The following INAVA variants were observed in gnomAD, a reference collection of about 807,000 sequenced individuals.
INAVA encodes the protein innate immunity activator, also known as innate immunity activator protein.
In INAVA, 32 loss-of-function variants were observed where a neutral mutation model predicts 55.3. The ratio of observed to expected loss-of-function variants is 0.58; its 90% confidence interval spans 0.44 to 0.78. INAVA has a LOEUF of 0.78. Ranked by LOEUF, INAVA falls within the 30% of genes least tolerant of loss-of-function variation. The pLI is 0.00. For missense variants in INAVA, 756 were observed against 786.4 expected (o/e 0.96, Z 0.46); for synonymous variants, 294 against 329.4 (o/e 0.89, Z 1.16).
intron 5 of INAVA, among the ~76,000 whole-genome samples, chr1:200,905,008 G>A (rs1228069336): frequency 1.3e-5 from 2 of 152,186 alleles, no homozygotes; most frequent in Admixed American, 1.3e-4. Flanking sequence ...AGCCTCTGGA[G>A]TAACTAAGAT....
At chr1:200,895,136 G>C in intron 1 of INAVA, 49 bp downstream of exon 1, 1 of 986,238 alleles carries the variant, frequency 1.0e-6, no homozygotes, top group Non-Finnish European at 1.2e-6. Flanking sequence ...GAGCAGGCTG[G>C]CCTGGGAGTG....
At chr1:200,909,558 C>T (rs1308456631) in intron 8 of INAVA, among the ~76,000 whole-genome samples, 161 bp downstream of exon 8, 2 of 152,224 alleles carry the variant, frequency 1.3e-5, no homozygotes, top group Non-Finnish European at 2.9e-5. Flanking sequence ...ACAGAGAATG[C>T]ACTGCACCCC....
chr1:200,899,590 G>A lies in INAVA; in HGVS notation c.173G>A (p.Arg58Gln), dbSNP rs899542235. ...CLEELRRLCL[R>Q]EAELTGTLPA... ...GAGGAGCTGAGGAGACTCTGCCTTCGGGAAGCGGTGAGGCCCCAGCCAGCA... is the reference window on the plus strand; with the variant it reads ...GAGGAGCTGAGGAGACTCTGCCTTCAGGAAGCGGTGAGGCCCCAGCCAGCA... Residue 58 changes from arginine to glutamine, a missense_variant, in exon 3 of 10, where the codon CGG becomes CAG. Arg to Gln is a conservative substitution (Grantham distance 43). Coordinates refer to ENST00000413687, the MANE Select transcript of INAVA (RefSeq NM_001142569.3). 13 of 1,611,970 alleles carry A rather than the reference G, an allele frequency of 8.1e-6. No individual in the cohort carries two copies. The highest frequency in any genetic ancestry group is 4.5e-5 in the East Asian group (2 of 44,832).
In INAVA at chr1:200,900,042, G is replaced by A. The variant is rs967066106; in HGVS notation, c.181-62G>A. 29 of 1,401,960 alleles carry A rather than the reference G, an allele frequency of 2.1e-5. No homozygotes were observed. In the African/African-American group the frequency reaches 3.6e-4, roughly 17 times the overall value. The allele number at this position is 1,401,960 out of a possible 1,614,324, so 86.8% of individuals were successfully genotyped here. ...TGGAAGGCAGGCACATGCAGTGCAG[G>A]GGCCAGTGAGCCAAGTCTGGGCAGG... On this transcript the variant is annotated intron_variant, in intron 3 of 9. Coordinates refer to ENST00000413687, the MANE Select transcript of INAVA (RefSeq NM_001142569.3).
rs139372370 is a variant in INAVA at position 200,902,933 on chromosome 1, C to T, written c.520+1774C>T. 277 of 152,422 alleles carry T rather than the reference C, an allele frequency of 1.8e-3. 2 individuals carry two copies. The highest frequency in any genetic ancestry group is 6.3e-3 in the African/African-American group (263 of 41,568). 9.4% of individuals were successfully genotyped at this position (152,422 alleles called of 1,614,324 possible). On this transcript the variant is annotated intron_variant, in intron 5 of 9. Transcript: ENST00000413687. ...CTGTGGAAGGCAGGAGGATGAGGTT[C>T]TGAAACCTTGGAGCCCTCAGTACAG...
Position 200,908,867 on chromosome 1 carries a change from C to T in INAVA, c.712C>T (p.Pro238Ser). 5 of 1,614,026 alleles carry T rather than the reference C, an allele frequency of 3.1e-6. No homozygotes were observed. The highest frequency in any genetic ancestry group is 3.4e-6 in the Non-Finnish European group (4 of 1,179,978). ...SPERAPVQNSPWKETSLDHPY... is the reference protein window; with the variant it reads ...SPERAPVQNSSWKETSLDHPY... ...AGAACGGGCTCCAGTCCAGAACAGCCCCTGGAAGGAAACCAGCCTGGACCA... is the reference window on the plus strand; with the variant it reads ...AGAACGGGCTCCAGTCCAGAACAGCTCCTGGAAGGAAACCAGCCTGGACCA... Residue 238 changes from proline to serine, a missense_variant, in exon 7 of 10, where the codon CCC becomes TCC. Coordinates refer to ENST00000413687, the MANE Select transcript of INAVA (RefSeq NM_001142569.3).
Position 200,911,847 on chromosome 1 carries a change from C to A in INAVA, c.1354C>A (p.Leu452Met), listed in dbSNP as rs1238714061. The change falls in exon 9 of 10, where the codon CTG becomes ATG. Residue 452 changes from leucine to methionine, a missense_variant. Physicochemically the swap from Leu to Met is conservative, Grantham distance 15. This residue lies in a region of INAVA where 639 missense variants were observed against 624.3 expected (regional missense o/e 1.02). Coordinates refer to ENST00000413687, the MANE Select transcript of INAVA (RefSeq NM_001142569.3). Reference protein sequence around the residue: ...ESPLPPGEWELRRAAPGPAYE... With the variant: ...ESPLPPGEWEMRRAAPGPAYE... The stretch of plus-strand genomic sequence containing the variant: ...CCCCCTGCCGCCTGGCGAGTGGGAG[C>A]TGCGCCGCGCAGCCCCGGGCCCTGC... 2 of 1,597,606 alleles carry A rather than the reference C, an allele frequency of 1.3e-6. No individual in the cohort carries two copies. The highest frequency in any genetic ancestry group is 1.7e-6 in the Non-Finnish European group (2 of 1,176,464).
intron 2 of INAVA, 64 bp from the exon 3 acceptor site, chr1:200,899,409 A>T: frequency 6.2e-7 from 1 of 1,605,424 alleles, no homozygotes. Flanking sequence ...AGGGGTGGTC[A>T]ATAAGTAACG....
chr1:200,909,075 G>C, intron 7 of INAVA, 135 bp downstream of exon 7: 1 of 1,298,468 alleles, frequency 7.7e-7, no homozygotes, highest in Non-Finnish European at 1.0e-6. Context: ...GTGGGATGGA[G>C]GTGTGAGCCT....
chr1:200,900,349 C>T, intron 4 of INAVA, 129 bp downstream of exon 4: 1 of 777,064 alleles, frequency 1.3e-6, no homozygotes, highest in South Asian at 1.8e-5. Context: ...TGCTTGGCTG[C>T]CTGTTGGTGA....
At position 200,907,835 on chromosome 1, in the gene INAVA, G is replaced by A. The variant is rs1232770908; in HGVS notation, c.522G>A (p.Glu174=). ...PPAAALPLGR[E]LSASDDSSLS... ...TTCTCTCCCCTTTGTCTTTCGCAGAGCTCAGTGCCTCTGATGACAGCTCCC... is the reference window on the plus strand; with the variant it reads ...TTCTCTCCCCTTTGTCTTTCGCAGAACTCAGTGCCTCTGATGACAGCTCCC... Residue 174 remains glutamate, a splice_region_variant and synonymous_variant, in exon 6 of 10, where the codon GAG becomes GAA. Transcript: ENST00000413687. 8 of 1,611,690 alleles carry A rather than the reference G, an allele frequency of 5.0e-6. No individual in the cohort carries two copies. Among genetic ancestry groups the A allele is most frequent in the Non-Finnish European group, 5.9e-6 (7 of 1,178,188 alleles).
At chr1:200,905,346 G>C (rs1329842145) in intron 5 of INAVA, among the ~76,000 whole-genome samples, 1 of 152,172 alleles carries the variant, frequency 6.6e-6, no homozygotes, top group African/African-American at 2.4e-5. Flanking sequence ...AGGAGTATGA[G>C]ACCTGCCTGG....
At chr1:200,898,973 C>T (rs967096849) in intron 2 of INAVA, among the ~76,000 whole-genome samples, 34 of 152,030 alleles carry the variant, frequency 2.2e-4, no homozygotes, top group Admixed American at 2.6e-4. Context: ...GGCAAGACTC[C>T]GTCTCAAAAA....
chr1:200,911,689 C>T lies in INAVA; in HGVS notation c.1196C>T (p.Ser399Phe), dbSNP rs116087951. 4 of 1,613,896 alleles carry T rather than the reference C, an allele frequency of 2.5e-6. No individual in the cohort carries two copies. Among genetic ancestry groups the T allele is most frequent in the Admixed American group, 1.7e-5 (1 of 60,002 alleles). ...SPDISFLQPL[S>F]PPKTHRHRGA... ...GACATCTCCTTTCTGCAGCCTCTCT[C>T]CCCTCCCAAGACCCATCGTCACCGC... Residue 399 changes from serine (S) to phenylalanine (F), a missense_variant, in exon 9 of 10, where the codon TCC (serine) becomes TTC (phenylalanine). Ser to Phe is a radical substitution (Grantham distance 155). Around this residue, in one of 2 missense-constraint regions of INAVA, gnomAD observed 639 missense variants for 624.3 expected, o/e 1.02. Transcript: ENST00000413687.
At chr1:200,892,418 A>T (rs558660289), upstream of INAVA, among the ~76,000 whole-genome samples, 21 of 151,780 alleles carry the variant, frequency 1.4e-4, no homozygotes, top group African/African-American at 3.6e-4. Flanking sequence ...ACTTTTTTTT[A>T]AAAAAAATGG....
At position 200,905,305 on chromosome 1, in the gene INAVA, G is replaced by A. The variant is rs558626612; in HGVS notation, c.521-2529G>A. Among the ~76,000 whole-genome samples, 4 of 152,276 alleles carry A rather than the reference G, an allele frequency of 2.6e-5. No homozygotes were observed. The East Asian group carries it at 7.7e-4, about 29-fold the overall frequency. On this transcript the variant is annotated intron_variant, in intron 5 of 9. Coordinates refer to ENST00000413687, the MANE Select transcript of INAVA (RefSeq NM_001142569.3). ...TCAAGCTTGTAATCCCAGCACTTTG[G>A]GAGGCCAAGGCAGGAGGATCTCTTG...
Position 200,899,515 on chromosome 1 carries a change from C to A in INAVA, c.98C>A (p.Ala33Glu), listed in dbSNP as rs758130795. 1.4e-5 allele frequency: 23 copies of A among 1,613,926 alleles called. No individual in the cohort carries two copies. The Admixed American group carries it at 3.8e-4, about 27-fold the overall frequency. ...TCCCCAATGAAGGAGCTGACCCATG[C>A]AGTGCACAAGCAGCAGAGGGCCCTG... ...PVSPMKELTH[A>E]VHKQQRALEA... Residue 33 changes from alanine to glutamate, a missense_variant, in exon 3 of 10, where the codon GCA (alanine) becomes GAA (glutamate). Transcript: ENST00000413687.
intron 4 of INAVA, 122 bp downstream of exon 4, chr1:200,900,342 T>C (rs939737574): frequency 3.1e-5 from 26 of 837,306 alleles, no homozygotes; most frequent in Middle Eastern, 2.3e-4. Flanking sequence ...GTGAGGGTGC[T>C]TGGCTGCCTG....
At chr1:200,891,592 A>G (rs914553975), upstream of INAVA, 1 of 1,582,602 alleles carries the variant, frequency 6.3e-7, no homozygotes, top group Non-Finnish European at 8.6e-7. Flanking sequence ...GGCAGGCCGC[A>G]GGGAGGCTCG....
Sources: gnomAD v4.1 joint callset for allele counts (sites outside exome capture counted in the v4.1 genomes callset) on GRCh38, gnomAD v4.1.1 for gene constraint, gnomAD v4.1.1 regional missense constraint, MANE v1.5 for transcripts, NCBI Gene and HGNC (gene_info 2026-07-23, HGNC 2026-07-21) for gene names.